The following TRIM2 variants were observed in gnomAD, a reference collection of about 807,000 sequenced individuals.
The protein encoded by TRIM2 is tripartite motif-containing protein 2.
TRIM2 carries 20 observed loss-of-function variants against 75.2 expected under a neutral mutation model. The observed-to-expected ratio is 0.27, with a 90% CI of 0.19 to 0.39. TRIM2 has a LOEUF of 0.39. Ranked by LOEUF, TRIM2 falls within the 10% of genes least tolerant of loss-of-function variation. TRIM2 has a pLI of 1.00. For missense variants in TRIM2, 660 were observed against 990.8 expected, an observed-to-expected ratio of 0.67 and a Z score of 4.48; for synonymous variants, 373 against 388.3, an observed-to-expected ratio of 0.96 and a Z score of 0.46.
Position 153,322,713 on chromosome 4 carries a change from T to C in TRIM2, c.1848T>C (p.Ile616=). ...TTTCTGTGGACCGCAATGGGCACATTATTGTTGTGGACAACAAGGCGTGCT... is the reference window on the plus strand; with the variant it reads ...TTTCTGTGGACCGCAATGGGCACATCATTGTTGTGGACAACAAGGCGTGCT... ...KGVSVDRNGH[I]IVVDNKACCV... The change falls in exon 9 of 12, where the codon ATT becomes ATC. Residue 616 remains isoleucine, a synonymous_variant. Coordinates refer to ENST00000338700, the MANE Select transcript of TRIM2 (RefSeq NM_015271.5). 1.2e-6 allele frequency: 2 copies of C among 1,614,226 alleles called. No individual in the cohort carries two copies. Among genetic ancestry groups the C allele is most frequent in the African/African-American group, 1.3e-5 (1 of 75,054 alleles).
At position 153,337,369 on chromosome 4, in the gene TRIM2, A is replaced by G. The variant is rs1772569581; in HGVS notation, c.*2403A>G. On this transcript the variant is annotated 3_prime_UTR_variant, in exon 12 of 12. Transcript: ENST00000338700. ...ATATCCTATCAGGCTAGATATCTCA[A>G]TAGTAGACTGAATACAAAGCTAATT... is the stretch of plus-strand genomic sequence containing the variant. 1.0e-6 allele frequency: 1 copy of G among 985,730 alleles called. No homozygotes were observed. Among genetic ancestry groups the G allele is most frequent in the Admixed American group, 6.1e-5 (1 of 16,276 alleles). 61.1% of individuals were successfully genotyped at this position (985,730 alleles called of 1,614,324 possible). A position where few individuals can be genotyped will look rare whatever the true frequency, so the allele number is the denominator to read the frequency against.
Position 153,248,129 on chromosome 4 carries a change from G to A in TRIM2, c.31-22206G>A, listed in dbSNP as rs533086418. On this transcript the variant is annotated intron_variant, in intron 1 of 11. Transcript: ENST00000338700. This position sits in a 1 kb window ranked among gnomAD's most constrained non-coding sequence, Gnocchi z 4.0. Reference sequence around the variant, plus strand: ...TTGTGCTTCAGCCTCCTGAATAGCTGGGATTACAGGCGCCTGCCACCATGC... The same window carrying A: ...TTGTGCTTCAGCCTCCTGAATAGCTAGGATTACAGGCGCCTGCCACCATGC... Among the ~76,000 whole-genome samples the A allele has an allele frequency of 6.6e-6, 1 of 151,674 alleles. No individual in the cohort carries two copies. The highest frequency in any genetic ancestry group is 1.5e-5 in the Non-Finnish European group (1 of 68,012).
intron 1 of TRIM2, among the ~76,000 whole-genome samples, chr4:153,235,708 A>C (rs1044603933): frequency 6.6e-6 from 1 of 152,182 alleles, no homozygotes; most frequent in Non-Finnish European, 1.5e-5. Flanking sequence ...CTCTTTCTAG[A>C]GCTTCTTACA....
chr4:153,171,455 G>A (rs1237993621), intron 1 of TRIM2, among the ~76,000 whole-genome samples: 12 of 152,094 alleles, frequency 7.9e-5, no homozygotes, highest in East Asian at 5.8e-4. Context: ...GCATGGTGGC[G>A]GGTGCCTGTA....
Position 153,220,839 on chromosome 4 carries a change from A to G in TRIM2, c.30+16279A>G, listed in dbSNP as rs114166797. 2.5e-3 allele frequency among the ~76,000 whole-genome samples: 381 copies of G among 152,340 alleles called. 1 individual carries two copies. The highest frequency in any genetic ancestry group is 8.3e-3 in the African/African-American group (347 of 41,568). ...GGAAATGCAAAGCAAAACCATAATGAAATACCACTTCACACCCACCAAGAA... is the reference window on the plus strand; with the variant it reads ...GGAAATGCAAAGCAAAACCATAATGGAATACCACTTCACACCCACCAAGAA... On this transcript the variant is annotated intron_variant, in intron 1 of 11. Coordinates refer to ENST00000338700, the MANE Select transcript of TRIM2 (RefSeq NM_015271.5).
At chr4:153,274,111 G>A (rs1468177206) in intron 2 of TRIM2, among the ~76,000 whole-genome samples, 3 of 152,220 alleles carry the variant, frequency 2.0e-5, no homozygotes, top group Non-Finnish European at 2.9e-5. Flanking sequence ...TGTCTTTGTT[G>A]TAAGAGCAGT....
chr4:153,236,537 G>T (rs1309415834), intron 1 of TRIM2, among the ~76,000 whole-genome samples: 1 of 152,044 alleles, frequency 6.6e-6, no homozygotes, highest in Non-Finnish European at 1.5e-5. Flanking sequence ...CCTCAATTCT[G>T]CTTTGCATCC....
intron 1 of TRIM2, among the ~76,000 whole-genome samples, chr4:153,178,518 T>C (rs1039322102): frequency 1.9e-4 from 29 of 152,334 alleles, no homozygotes; most frequent in African/African-American, 6.7e-4. Flanking sequence ...GTCACACTTA[T>C]TTTGCAGTTT....
At chr4:153,193,660 C>T (rs1050284974) in intron 1 of TRIM2, among the ~76,000 whole-genome samples, 3 of 152,132 alleles carry the variant, frequency 2.0e-5, no homozygotes, top group Non-Finnish European at 4.4e-5. Context: ...GAAACATAGG[C>T]GCAGTCATGA....
rs180937215 is a variant in TRIM2, at chr4:153,273,917, G to A, written c.216-1976G>A. ...AATAGAATTTCAGGTATGTGCAAAGGTGCTATAGTGGGAGGTTGCTATAGT... is the reference window on the plus strand; with the variant it reads ...AATAGAATTTCAGGTATGTGCAAAGATGCTATAGTGGGAGGTTGCTATAGT... On this transcript the variant is annotated intron_variant, in intron 2 of 11. Transcript: ENST00000338700. 3.4e-3 allele frequency among the ~76,000 whole-genome samples: 522 copies of A among 152,294 alleles called. 4 individuals carry two copies. Among genetic ancestry groups the A allele is most frequent in the African/African-American group, 0.011 (443 of 41,566 alleles).
chr4:153,161,375 C>A (rs1279321410), intron 1 of TRIM2, among the ~76,000 whole-genome samples: 1 of 152,144 alleles, frequency 6.6e-6, no homozygotes. Context: ...ATGCATGATC[C>A]CATTCAGCCT....
intron 8 of TRIM2, 88 bp downstream of exon 8, chr4:153,316,087 C>A: frequency 7.9e-7 from 1 of 1,273,822 alleles, no homozygotes; most frequent in Non-Finnish European, 1.1e-6. Context: ...TTTTGAGATG[C>A]AGTGCAACAT....
intron 1 of TRIM2, among the ~76,000 whole-genome samples, chr4:153,244,429 C>CTTCTTCTTCTTCTTT (rs1748453697): frequency 1.0e-5 from 1 of 96,034 alleles, no homozygotes; most frequent in Non-Finnish European, 2.1e-5. Context: ...TCTTCTTCTT[C>CTTCTTCTTCTTCTTT]TTCTTCTTTT....
chr4:153,275,307 G>A (rs1757771258), intron 2 of TRIM2, among the ~76,000 whole-genome samples: 1 of 152,214 alleles, frequency 6.6e-6, no homozygotes. Flanking sequence ...GTAGAGACAA[G>A]GAGAAGAGAT....
chr4:153,191,929 C>G (rs996295672), intron 1 of TRIM2, among the ~76,000 whole-genome samples: 5 of 152,124 alleles, frequency 3.3e-5, no homozygotes, highest in Non-Finnish European at 7.4e-5. Context: ...AGAAGCTTCC[C>G]TTCATCAAAC....
intron 1 of TRIM2, among the ~76,000 whole-genome samples, chr4:153,250,551 G>A (rs879351511): frequency 6.6e-5 from 10 of 152,182 alleles, no homozygotes; most frequent in Admixed American, 6.5e-4. Flanking sequence ...AATGATACCA[G>A]ACCAACCAAA....
At chr4:153,173,099 C>A (rs144612732) in intron 1 of TRIM2, among the ~76,000 whole-genome samples, 3 of 152,202 alleles carry the variant, frequency 2.0e-5, no homozygotes, top group Admixed American at 6.5e-5. Flanking sequence ...TGACACCCTT[C>A]GGCCTGGGTT....
intron 1 of TRIM2, among the ~76,000 whole-genome samples, chr4:153,174,867 C>T (rs970278418): frequency 5.9e-5 from 9 of 152,182 alleles, no homozygotes; most frequent in Non-Finnish European, 1.2e-4. Flanking sequence ...TTATCAAATA[C>T]ATGGCAAGAT....
intron 1 of TRIM2, among the ~76,000 whole-genome samples, chr4:153,207,184 T>A (rs1735704081): frequency 6.6e-6 from 1 of 152,212 alleles, no homozygotes; most frequent in African/African-American, 2.4e-5. Context: ...ACTGTGTAAC[T>A]CTGTGCAAGT....
Sources: allele counts gnomAD v4.1 joint callset (sites outside exome capture counted in the v4.1 genomes callset), GRCh38; gene constraint gnomAD v4.1.1; non-coding constraint Gnocchi (gnomAD v3.1); transcripts MANE v1.5; gene names NCBI Gene and HGNC (gene_info 2026-07-23, HGNC 2026-07-21).